Variants in DNAH9 observed in about 807,000 individuals in gnomAD.
DNAH9 encodes the protein dynein axonemal heavy chain 9, also known as DNAH9 variant protein.
In DNAH9, 345 loss-of-function variants were observed where a neutral mutation model predicts 471.6. That is an observed-to-expected ratio of 0.73 (90% CI 0.67 to 0.80). The LOEUF is 0.80. Ranked by LOEUF, DNAH9 falls within the 30% of genes least tolerant of loss-of-function variation. The probability of loss-of-function intolerance (pLI) is 0.00; values close to 1 mark genes in which losing one functional copy is unlikely to be tolerated. For synonymous variants in DNAH9, 2,093 were observed against 2,123.6 expected (o/e 0.99, Z 0.40); for missense variants, 5,407 against 5,609.2 (o/e 0.96, Z 1.15).
chr17:11,690,192 C>T lies in DNAH9; in HGVS notation c.4370C>T (p.Thr1457Ile), dbSNP rs1040969534. Residue 1457 changes from threonine (T) to isoleucine (I), a missense_variant, in exon 20 of 69, where the codon ACC (threonine) becomes ATC (isoleucine). Transcript: ENST00000262442. ...TTCCAGTATGAGCCCCACCCACGGA[C>T]CAATGTCCCCCTCCTGTGCTCTGAT... ...MEFQYEPHPR[T>I]NVPLLCSDED... 1 of 1,614,226 alleles carries T rather than the reference C, an allele frequency of 6.2e-7. No individual in the cohort carries two copies. Among genetic ancestry groups the T allele is most frequent in the African/African-American group, 1.3e-5 (1 of 75,058 alleles).
chr17:11,647,043 G>A, intron 11 of DNAH9, 29 bp from the exon 12 acceptor site: 1 of 1,611,566 alleles, frequency 6.2e-7, no homozygotes, highest in Non-Finnish European at 8.5e-7. Flanking sequence ...GGGGGCTTAT[G>A]AGGTGGCTGT....
intron 26 of DNAH9, among the ~76,000 whole-genome samples, chr17:11,707,275 C>T (rs2150780916): frequency 6.6e-6 from 1 of 152,356 alleles, no homozygotes; most frequent in East Asian, 1.9e-4. Context: ...TTGTGAGTTA[C>T]AGTTAAAATG....
intron 7 of DNAH9, among the ~76,000 whole-genome samples, chr17:11,631,528 T>G (rs1446473008): frequency 6.6e-6 from 1 of 151,474 alleles, no homozygotes; most frequent in Non-Finnish European, 1.5e-5. Context: ...ACCTGTAATC[T>G]CAATTACTTG....
At chr17:11,842,247 G>A (rs1597722646) in intron 49 of DNAH9, among the ~76,000 whole-genome samples, 1 of 152,128 alleles carries the variant, frequency 6.6e-6, no homozygotes, top group Non-Finnish European at 1.5e-5. Context: ...AGATATCAAC[G>A]TGAAATACAA....
chr17:11,658,885 T>C (rs1439164026), intron 14 of DNAH9, among the ~76,000 whole-genome samples: 1 of 152,208 alleles, frequency 6.6e-6, no homozygotes, highest in Admixed American at 6.5e-5. Context: ...TGTATTATAG[T>C]ATTTGCTCTG....
chr17:11,885,181 A>C (rs1972842304), intron 56 of DNAH9, among the ~76,000 whole-genome samples: 2 of 152,366 alleles, frequency 1.3e-5, no homozygotes, highest in Admixed American at 6.5e-5. Context: ...AAGAAAGACA[A>C]GTAAACAGGC....
intron 42 of DNAH9, among the ~76,000 whole-genome samples, chr17:11,794,606 T>C (rs1969180074): frequency 6.6e-6 from 1 of 152,208 alleles, no homozygotes; most frequent in Admixed American, 6.5e-5. Flanking sequence ...ATCCTCCTGA[T>C]TGCTCTCTCA....
intron 38 of DNAH9, among the ~76,000 whole-genome samples, chr17:11,780,173 C>T (rs1359663759): frequency 6.6e-6 from 1 of 152,166 alleles, no homozygotes; most frequent in Non-Finnish European, 1.5e-5. Context: ...TTGAAGAAAC[C>T]ACTCCAGAAA....
intron 10 of DNAH9, among the ~76,000 whole-genome samples, chr17:11,642,261 G>A (rs552528118): frequency 7.2e-5 from 11 of 152,278 alleles, no homozygotes; most frequent in African/African-American, 2.2e-4. Flanking sequence ...ATTATGGGCC[G>A]GGCATGGTGG....
chr17:11,921,178 G>C (rs1162835533), intron 61 of DNAH9, among the ~76,000 whole-genome samples: 3 of 151,944 alleles, frequency 2.0e-5, no homozygotes, highest in African/African-American at 7.2e-5. Context: ...GGGAGGTGGA[G>C]GTTGCAGTAA....
At chr17:11,852,801 A>AGTGT (rs375315617) in intron 49 of DNAH9, among the ~76,000 whole-genome samples, 3,331 of 39,918 alleles carry the variant, frequency 0.083, 175 homozygotes, top group Non-Finnish European at 0.1. Flanking sequence ...TATATAAGAA[A>AGTGT]GTGTGTGTGT....
chr17:11,890,076 T>C (rs1387875473), intron 57 of DNAH9, among the ~76,000 whole-genome samples: 1 of 152,234 alleles, frequency 6.6e-6, no homozygotes, highest in Non-Finnish European at 1.5e-5. Flanking sequence ...TTTTTTTACA[T>C]GTTTTCCTGA....
At chr17:11,672,998 TC>T (rs2073995358) in intron 17 of DNAH9, among the ~76,000 whole-genome samples, 1 of 151,990 alleles carries the variant, frequency 6.6e-6, no homozygotes, top group Non-Finnish European at 1.5e-5. Context: ...TCCCTCCCAT[TC>T]CCTCCCATTC....
At chr17:11,693,197 G>A (rs191212266) in intron 20 of DNAH9, among the ~76,000 whole-genome samples, 167 of 147,400 alleles carry the variant, frequency 1.1e-3, no homozygotes, top group African/African-American at 4.0e-3. Context: ...ACAGGTGTGA[G>A]CCACCGCGCC....
At chr17:11,926,169 G>A (rs559876975) in intron 62 of DNAH9, among the ~76,000 whole-genome samples, 132 of 151,738 alleles carry the variant, frequency 8.7e-4, no homozygotes, top group Middle Eastern at 3.4e-3. Context: ...TAGGCTAATG[G>A]TTCTGAGAAT....
chr17:11,687,137 G>A (rs1597478526), intron 19 of DNAH9, among the ~76,000 whole-genome samples: 1 of 152,176 alleles, frequency 6.6e-6, no homozygotes, highest in East Asian at 1.9e-4. Flanking sequence ...TAGAGAGACA[G>A]GGCCCTTTTC....
intron 61 of DNAH9, among the ~76,000 whole-genome samples, chr17:11,914,091 C>T (rs1215343141): frequency 6.6e-6 from 1 of 152,106 alleles, no homozygotes; most frequent in Non-Finnish European, 1.5e-5. Flanking sequence ...ATTACACTTC[C>T]TTCTTTTTGA....
intron 38 of DNAH9, among the ~76,000 whole-genome samples, chr17:11,778,968 G>A (rs890670050): frequency 1.3e-5 from 2 of 151,898 alleles, no homozygotes; most frequent in African/African-American, 4.8e-5. Flanking sequence ...GTTGCACCAC[G>A]GCACTCCAGC....
intron 30 of DNAH9, among the ~76,000 whole-genome samples, chr17:11,742,648 G>A (rs1467759464): frequency 6.6e-6 from 1 of 152,182 alleles, no homozygotes; most frequent in Admixed American, 6.5e-5. Context: ...TAGATGAGGA[G>A]GGTTAGGGAA....
Sources: gnomAD v4.1 joint callset for allele counts (sites outside exome capture counted in the v4.1 genomes callset) on GRCh38, gnomAD v4.1.1 for gene constraint, MANE v1.5 for transcripts, NCBI Gene and HGNC (gene_info 2026-07-23, HGNC 2026-07-21) for gene names.